Variants in PEX2 observed in about 807,000 individuals in gnomAD.
PEX2 encodes the protein peroxisomal biogenesis factor 2, also known as peroxisome biogenesis factor 2.
In PEX2, 19 loss-of-function variants were observed where a neutral mutation model predicts 25.2. That is an observed-to-expected ratio of 0.75 (90% CI 0.53 to 1.10). The LOEUF (loss-of-function observed/expected upper bound fraction) is 1.10. PEX2 is among the 50% of genes least tolerant of loss of function. The probability of loss-of-function intolerance (pLI) is 0.00; values close to 1 mark genes in which losing one functional copy is unlikely to be tolerated. For missense variants in PEX2, 347 were observed against 350.6 expected, an observed-to-expected ratio of 0.99 and a Z score of 0.08; for synonymous variants, 141 against 127.7, an observed-to-expected ratio of 1.10 and a Z score of -0.70.
upstream of PEX2, among the ~76,000 whole-genome samples, chr8:77,000,558 G>C (rs984072826): frequency 6.6e-6 from 1 of 152,174 alleles, no homozygotes; most frequent in Non-Finnish European, 1.5e-5. Flanking sequence ...GGGAGCCCTC[G>C]GGCAGGTGGC....
upstream of PEX2, chr8:77,000,293 G>A (rs1026553718): frequency 6.6e-6 from 2 of 301,724 alleles, no homozygotes; most frequent in South Asian, 5.4e-5. Context: ...CCGGTTGGCC[G>A]GAAGAACTCT....
intron 1 of PEX2, among the ~76,000 whole-genome samples, chr8:76,992,597 A>G: frequency 6.6e-6 from 1 of 152,240 alleles, no homozygotes; most frequent in Non-Finnish European, 1.5e-5. Flanking sequence ...AAGATTTGTT[A>G]TAATAGGTAT....
intron 1 of PEX2, among the ~76,000 whole-genome samples, chr8:76,993,660 T>A (rs2132056951): frequency 6.6e-6 from 1 of 152,348 alleles, no homozygotes; most frequent in South Asian, 2.1e-4. Context: ...TGAATATTTT[T>A]AAAAATTACA....
chr8:76,984,792 T>C (rs1806957742), intron 3 of PEX2, among the ~76,000 whole-genome samples: 2 of 152,188 alleles, frequency 1.3e-5, no homozygotes, highest in Admixed American at 1.3e-4. Flanking sequence ...ACATGGTTAC[T>C]ATTCTATCAC....
At chr8:77,000,171 C>T, upstream of PEX2, 1 of 318,458 alleles carries the variant, frequency 3.1e-6, no homozygotes, top group South Asian at 2.4e-5. Flanking sequence ...ACGAGAACTG[C>T]GCTTTAGCGG....
At position 76,999,517 on chromosome 8, in the gene PEX2, A is replaced by G. The variant is rs114002356; in HGVS notation, c.-160+473T>C. Among the ~76,000 whole-genome samples, 1,402 of 152,354 alleles carry G rather than the reference A, an allele frequency of 9.2e-3. 15 individuals carry two copies. Among genetic ancestry groups the G allele is most frequent in the African/African-American group, 0.032 (1,347 of 41,580 alleles). On this transcript the variant is annotated intron_variant, in intron 1 of 3. Transcript: ENST00000357039. ...TTATCTCTTCCTCCATAAGAAAACCAAACTGCATTTACGTGCGCTTTCAAC... is the reference window on the plus strand; with the variant it reads ...TTATCTCTTCCTCCATAAGAAAACCGAACTGCATTTACGTGCGCTTTCAAC...
At chr8:76,984,765 A>G (rs984217989) in intron 3 of PEX2, among the ~76,000 whole-genome samples, 1 of 152,200 alleles carries the variant, frequency 6.6e-6, no homozygotes, top group Non-Finnish European at 1.5e-5. Flanking sequence ...AGTTAAAAAG[A>G]AAACTAAATG....
rs538794267 is a variant in PEX2 at position 76,993,297 on chromosome 8, G to A, written c.-159-4959C>T. ...CAGAGTTCAATAAAACTGAAGAAAA[G>A]AAAAACTGCCGTTCTGGGAGACCAG... On this transcript the variant is annotated intron_variant, in intron 1 of 3. Transcript: ENST00000357039. Among the ~76,000 whole-genome samples the A allele has an allele frequency of 7.9e-5, 12 of 152,266 alleles. No individual in the cohort carries two copies. The South Asian group carries it at 2.3e-3, about 29-fold the overall frequency.
intron 1 of PEX2, among the ~76,000 whole-genome samples, chr8:76,993,797 A>T (rs563854626): frequency 1.9e-3 from 294 of 152,286 alleles, no homozygotes; most frequent in African/African-American, 6.9e-3. Flanking sequence ...TTCTCGACCT[A>T]TACTAACTTT....
At chr8:76,989,806 G>A (rs569239893) in intron 1 of PEX2, among the ~76,000 whole-genome samples, 1 of 152,282 alleles carries the variant, frequency 6.6e-6, no homozygotes, top group Admixed American at 6.5e-5. Flanking sequence ...AGGCAGAGTA[G>A]TTCTAGCATA....
chr8:76,989,171 C>T (rs952150275), intron 1 of PEX2, among the ~76,000 whole-genome samples: 2 of 150,896 alleles, frequency 1.3e-5, no homozygotes, highest in Non-Finnish European at 2.9e-5. Flanking sequence ...AGAGCATGAC[C>T]TTCGTTTCAA....
rs1806813480 is a variant in PEX2, at chr8:76,981,191, C to A, written c.*2070G>T. ...ATAGCATTTTAAAAATATATTATGG[C>A]TGGGTGCAGTGGCTCATGCCTGTAA... On this transcript the variant is annotated 3_prime_UTR_variant, in exon 4 of 4. Transcript: ENST00000357039. 6.6e-6 allele frequency: 1 copy of A among 152,226 alleles called. No homozygotes were observed. Among genetic ancestry groups the A allele is most frequent in the African/African-American group, 2.4e-5 (1 of 41,444 alleles). 9.4% of individuals were successfully genotyped at this position (152,226 alleles called of 1,614,324 possible).
At chr8:76,990,738 G>A (rs576204478) in intron 1 of PEX2, among the ~76,000 whole-genome samples, 6 of 151,794 alleles carry the variant, frequency 4.0e-5, no homozygotes, top group South Asian at 2.1e-4. Context: ...GATACAGTTC[G>A]TGGTGCCCCA....
At chr8:76,993,765 T>C (rs545565259) in intron 1 of PEX2, among the ~76,000 whole-genome samples, 6 of 152,280 alleles carry the variant, frequency 3.9e-5, no homozygotes, top group Non-Finnish European at 7.4e-5. Flanking sequence ...TACACAATCC[T>C]ACCAGCCACC....
chr8:77,000,434 C>T (rs1318549026), upstream of PEX2, among the ~76,000 whole-genome samples: 1 of 151,824 alleles, frequency 6.6e-6, no homozygotes, highest in Admixed American at 6.6e-5. Flanking sequence ...TGCTTGCGGA[C>T]ATCGCGAAGG....
Position 76,980,755 on chromosome 8 carries a change from T to C in PEX2, c.*2506A>G, listed in dbSNP as rs961735408. Reference sequence around the variant, plus strand: ...TGAGAATGAAACCGACTCAGAGTAATACTGACAACAGCAAAGGAAAGCACT... The same window carrying C: ...TGAGAATGAAACCGACTCAGAGTAACACTGACAACAGCAAAGGAAAGCACT... On this transcript the variant is annotated 3_prime_UTR_variant, in exon 4 of 4. Transcript: ENST00000357039. 7 of 152,178 alleles carry C rather than the reference T, an allele frequency of 4.6e-5. No homozygotes were observed. The highest frequency in any genetic ancestry group is 5.9e-5 in the Non-Finnish European group (4 of 68,030). The allele number at this position is 152,178 out of a possible 1,614,324, so 9.4% of individuals were successfully genotyped here.
chr8:76,996,149 T>C (rs1206417105), intron 1 of PEX2, among the ~76,000 whole-genome samples: 1 of 152,130 alleles, frequency 6.6e-6, no homozygotes, highest in African/African-American at 2.4e-5. Context: ...CCAATGAACT[T>C]GTTAGTTTAC....
In PEX2 at chr8:76,982,821, A is replaced by AC. The variant is rs1451709344; in HGVS notation, c.*439_*440insG. On this transcript the variant is annotated 3_prime_UTR_variant, in exon 4 of 4. Transcript: ENST00000357039. ...AGGACACCGTCTCAGAAAAAAAAAA[A>AC]AAAGTTACAACTGAGGCATCAGGTC... 1 of 180,740 alleles carries AC rather than the reference A, an allele frequency of 5.5e-6. No homozygotes were observed. The highest frequency in any genetic ancestry group is 1.2e-5 in the Non-Finnish European group (1 of 86,910). 11.2% of individuals were successfully genotyped at this position (180,740 alleles called of 1,614,324 possible).
chr8:76,985,853 A>T (rs984554868), intron 3 of PEX2, among the ~76,000 whole-genome samples: 19 of 152,178 alleles, frequency 1.2e-4, no homozygotes, highest in Non-Finnish European at 2.6e-4. Context: ...CTGGAGATAA[A>T]ATGACCTTCA....
Sources: allele counts gnomAD v4.1 joint callset (sites outside exome capture counted in the v4.1 genomes callset), GRCh38; gene constraint gnomAD v4.1.1; transcripts MANE v1.5; gene names NCBI Gene and HGNC (gene_info 2026-07-23, HGNC 2026-07-21).